TECPR2: variants seen among roughly 807,000 people sequenced by gnomAD.
TECPR2 encodes tectonin beta-propeller repeat-containing protein 2.
In TECPR2, 65 loss-of-function variants were observed where a neutral mutation model predicts 138.1. The observed-to-expected ratio is 0.47, with a 90% CI of 0.39 to 0.58. TECPR2 has a LOEUF of 0.58. TECPR2 is among the 20% of genes least tolerant of loss of function. The pLI, the probability that TECPR2 is intolerant of heterozygous loss-of-function variation, is 0.00. For missense variants in TECPR2, 1,553 were observed against 1,824.5 expected (o/e 0.85, Z 2.71); for synonymous variants, 746 against 749.8 (o/e 0.99, Z 0.08).
At chr14:102,402,980 A>T (rs80166297) in intron 2 of TECPR2, among the ~76,000 whole-genome samples, 5,722 of 152,254 alleles carry the variant, frequency 0.038, 122 homozygotes, top group Middle Eastern at 0.088. Context: ...AACTAACACT[A>T]TTTCTTCTCA....
At chr14:102,451,471 A>G (rs1175936659) in intron 15 of TECPR2, among the ~76,000 whole-genome samples, 1 of 152,164 alleles carries the variant, frequency 6.6e-6, no homozygotes, top group Admixed American at 6.5e-5. Context: ...TCTGAAAACA[A>G]TGTTATTTCT....
chr14:102,426,848 G>T (rs1889335101), intron 6 of TECPR2, among the ~76,000 whole-genome samples: 1 of 152,184 alleles, frequency 6.6e-6, no homozygotes. Flanking sequence ...GACAGAGCAA[G>T]ACTTCATTTG....
chr14:102,385,935 C>CA (rs368972152), intron 2 of TECPR2, among the ~76,000 whole-genome samples: 283 of 133,818 alleles, frequency 2.1e-3, no homozygotes, highest in African/African-American at 2.7e-3. Context: ...GACCCTGCCT[C>CA]AAAAAAAAAA....
chr14:102,432,671 A>T (rs916632681), intron 8 of TECPR2, among the ~76,000 whole-genome samples: 2 of 151,686 alleles, frequency 1.3e-5, no homozygotes, highest in African/African-American at 2.4e-5. Flanking sequence ...CTGGGATTAC[A>T]GCGTGAGCCA....
intron 4 of TECPR2, among the ~76,000 whole-genome samples, chr14:102,413,185 A>G (rs530488768): frequency 3.3e-5 from 5 of 152,104 alleles, no homozygotes; most frequent in Non-Finnish European, 7.4e-5. Context: ...GTCAAAATTC[A>G]TAGAATTGTA....
At chr14:102,458,085 G>A (rs548132521) in intron 16 of TECPR2, among the ~76,000 whole-genome samples, 58 of 151,974 alleles carry the variant, frequency 3.8e-4, no homozygotes, top group African/African-American at 1.3e-3. Flanking sequence ...TGTTGGCCAG[G>A]CTGGTCTCTA....
intron 1 of TECPR2, 83 bp from the exon 2 acceptor site, chr14:102,376,566 TA>T: frequency 1.5e-6 from 1 of 654,054 alleles, no homozygotes; most frequent in Non-Finnish European, 2.7e-6. Context: ...TTTACCTGCC[TA>T]AAAGTTCCAT....
intron 1 of TECPR2, among the ~76,000 whole-genome samples, chr14:102,371,902 T>G (rs144387650): frequency 6.6e-6 from 1 of 152,206 alleles, no homozygotes. Flanking sequence ...TCTGTGTGTG[T>G]GCATATATGT....
chr14:102,486,768 AG>A (rs1891036546), intron 17 of TECPR2, among the ~76,000 whole-genome samples: 1 of 152,224 alleles, frequency 6.6e-6, no homozygotes, highest in South Asian at 2.1e-4. Context: ...GACCACGAAG[AG>A]GAGGTCCTCC....
rs1482864746 is a variant in TECPR2, at chr14:102,480,975, G to GCT, written c.3789+15687_3789+15688dup. ...TTCTCCTGCCTCAGCCTCCTGAGTA[G>GCT]CTGGGAGTACAGGCACCCGCCACCA... On this transcript the variant is annotated intron_variant, in intron 17 of 19. Coordinates refer to ENST00000359520, the MANE Select transcript of TECPR2 (RefSeq NM_014844.5). 9.4e-5 allele frequency among the ~76,000 whole-genome samples: 14 copies of GCT among 148,734 alleles called. No homozygotes were observed. The East Asian group carries it at 2.8e-3, about 30-fold the overall frequency.
At chr14:102,442,467 G>A (rs774213495) in intron 11 of TECPR2, among the ~76,000 whole-genome samples, 1 of 152,346 alleles carries the variant, frequency 6.6e-6, no homozygotes, top group African/African-American at 2.4e-5. Flanking sequence ...AATGAAAGTA[G>A]CTCTGTCAAG....
At chr14:102,435,485 G>A (rs1245293436) in intron 9 of TECPR2, among the ~76,000 whole-genome samples, 3 of 152,208 alleles carry the variant, frequency 2.0e-5, no homozygotes, top group Non-Finnish European at 2.9e-5. Flanking sequence ...CACAAGTGCA[G>A]GCTGGTGTAG....
At position 102,412,767 on chromosome 14, in the gene TECPR2, A is replaced by G. The variant is rs192932329; in HGVS notation, c.481-1869A>G. Among the ~76,000 whole-genome samples, 15 of 152,290 alleles carry G rather than the reference A, an allele frequency of 9.8e-5. No individual in the cohort carries two copies. In the East Asian group the frequency reaches 2.9e-3, roughly 29 times the overall value. On this transcript the variant is annotated intron_variant, in intron 4 of 19. Coordinates refer to ENST00000359520, the MANE Select transcript of TECPR2 (RefSeq NM_014844.5). The stretch of plus-strand genomic sequence containing the variant: ...TTTCCTTGAGAGAACCACTGAGTGT[A>G]TTTCAGTGTGCAGCAGAAGGGAGAA...
chr14:102,425,883 G>A (rs1238954109), intron 6 of TECPR2, among the ~76,000 whole-genome samples: 21 of 113,662 alleles, frequency 1.8e-4, no homozygotes, highest in African/African-American at 6.4e-4. Context: ...TTTTTTTTTT[G>A]TTTTTTTTTT....
intron 16 of TECPR2, among the ~76,000 whole-genome samples, chr14:102,461,998 G>C (rs1890422995): frequency 6.6e-6 from 1 of 152,198 alleles, no homozygotes; most frequent in Non-Finnish European, 1.5e-5. Flanking sequence ...TCTTTCACCT[G>C]TCTCTTCAAT....
At position 102,449,757 on chromosome 14, in the gene TECPR2, G is replaced by T; in HGVS notation, c.3204G>T (p.Ala1068=). ...AGGTGGCAGATAAGCTGCGCATGGC[G>T]TTTTGGTCCCAGCAGCTTCAGTGCC... ...VEKVADKLRM[A]FWSQQLQCQP... is the part of the protein sequence containing the mutation. The change falls in exon 14 of 20, where the codon GCG becomes GCT. Residue 1068 remains alanine (A), a synonymous_variant. Coordinates refer to ENST00000359520, the MANE Select transcript of TECPR2 (RefSeq NM_014844.5). 6.2e-7 allele frequency: 1 copy of T among 1,614,144 alleles called. No homozygotes were observed.
chr14:102,398,121 A>C (rs1452205057), intron 2 of TECPR2, among the ~76,000 whole-genome samples: 1 of 151,592 alleles, frequency 6.6e-6, no homozygotes, highest in Non-Finnish European at 1.5e-5. Flanking sequence ...AAAGGAAAAC[A>C]GTGTACAAAT....
In TECPR2 at chr14:102,431,777, C is replaced by T; in HGVS notation, c.1085-19C>T. The stretch of plus-strand genomic sequence containing the variant: ...CTCTCTTGGATCACCAGTGGTAAAA[C>T]CAGACTCTTCTTTCTTAGTGAGAGA... On this transcript the variant is annotated intron_variant, in intron 7 of 19. Coordinates refer to ENST00000359520, the MANE Select transcript of TECPR2 (RefSeq NM_014844.5). The T allele has an allele frequency of 6.5e-7, 1 of 1,528,466 alleles. No individual in the cohort carries two copies. The highest frequency in any genetic ancestry group is 1.3e-5 in the South Asian group (1 of 79,338). The allele number at this position is 1,528,466 out of a possible 1,614,324, so 94.7% of individuals were successfully genotyped here. A position where few individuals can be genotyped will look rare whatever the true frequency, so the allele number is the denominator to read the frequency against.
rs1314184795 is a variant in TECPR2 at position 102,498,911 on chromosome 14, ACACCG to A, written c.*658_*662del. 6 of 684,704 alleles carry A rather than the reference ACACCG, an allele frequency of 8.8e-6. No individual in the cohort carries two copies. The East Asian group carries it at 1.7e-4, about 19-fold the overall frequency. 42.4% of individuals were successfully genotyped at this position (684,704 alleles called of 1,614,324 possible). On this transcript the variant is annotated 3_prime_UTR_variant, in exon 20 of 20. Transcript: ENST00000359520. ...ACACCACAGCACACCTCACCACACC[ACACCG>A]CACTGCACCATACCTCACCACATCT...
Sources: allele counts gnomAD v4.1 joint callset (sites outside exome capture counted in the v4.1 genomes callset), GRCh38; gene constraint gnomAD v4.1.1; transcripts MANE v1.5; gene names NCBI Gene and HGNC (gene_info 2026-07-23, HGNC 2026-07-21).